Variants in SPAG16 observed in about 807,000 individuals in gnomAD.
The protein encoded by SPAG16 is sperm-associated antigen 16 protein.
In SPAG16, 86 loss-of-function variants were observed where a neutral mutation model predicts 80.4. The observed-to-expected ratio is 1.07, with a 90% CI of 0.90 to 1.28. The LOEUF is 1.28. SPAG16 is among the 50% of genes most tolerant of loss of function. SPAG16 has a pLI of 0.00. For missense variants in SPAG16, 870 were observed against 765.3 expected, an observed-to-expected ratio of 1.14 and a Z score of -1.61; for synonymous variants, 294 against 265.9, an observed-to-expected ratio of 1.11 and a Z score of -1.03.
In SPAG16 at chr2:214,014,224, C is replaced by T. The variant is rs906404336; in HGVS notation, c.1527+147C>T. 2.9e-5 allele frequency: 28 copies of T among 968,602 alleles called. No individual in the cohort carries two copies. In the East Asian group the frequency reaches 4.8e-4, roughly 17 times the overall value. 60.0% of individuals were successfully genotyped at this position (968,602 alleles called of 1,614,324 possible). A position where few individuals can be genotyped will look rare whatever the true frequency, so the allele number is the denominator to read the frequency against. ...GTAAAAAGTTCATAATTACAAGATC[C>T]TTTCTATGCACTTGTATCCATTCTG... is the stretch of plus-strand genomic sequence containing the variant. On this transcript the variant is annotated intron_variant, in intron 13 of 15. Transcript: ENST00000331683.
At chr2:214,004,708 G>A (rs2046950568) in intron 12 of SPAG16, among the ~76,000 whole-genome samples, 1 of 151,956 alleles carries the variant, frequency 6.6e-6, no homozygotes, top group South Asian at 2.1e-4. Context: ...CTTAAATGGG[G>A]CTGGGTCATC....
chr2:214,117,394 C>G lies in SPAG16; in HGVS notation c.1593+9133C>G, dbSNP rs529636600. Among the ~76,000 whole-genome samples the G allele has an allele frequency of 1.4e-4, 21 of 152,252 alleles. No individual in the cohort carries two copies. In the South Asian group the frequency reaches 4.3e-3, roughly 32 times the overall value. On this transcript the variant is annotated intron_variant, in intron 14 of 15. Coordinates refer to ENST00000331683, the MANE Select transcript of SPAG16 (RefSeq NM_024532.5). ...TGTCAAAGAAAAGCTCAGAAGTAGGCTTCACTGCTGAATTCTACCAAACAT... is the reference window on the plus strand; with the variant it reads ...TGTCAAAGAAAAGCTCAGAAGTAGGGTTCACTGCTGAATTCTACCAAACAT...
chr2:214,032,525 A>G (rs550039252), intron 13 of SPAG16, among the ~76,000 whole-genome samples: 135 of 152,336 alleles, frequency 8.9e-4, no homozygotes, highest in Admixed American at 1.5e-3. Context: ...TGAATAACAA[A>G]GGAGCAGGAA....
At chr2:213,830,259 G>A (rs1158862504) in intron 10 of SPAG16, among the ~76,000 whole-genome samples, 1 of 152,130 alleles carries the variant, frequency 6.6e-6, no homozygotes, top group Non-Finnish European at 1.5e-5. Flanking sequence ...AGTTCTTCCT[G>A]GTGTTGGCAG....
chr2:213,701,380 A>T (rs2065410279), intron 10 of SPAG16, among the ~76,000 whole-genome samples: 2 of 152,370 alleles, frequency 1.3e-5, no homozygotes, highest in South Asian at 4.1e-4. Flanking sequence ...AATAACAATG[A>T]TAACGAGAGG....
At chr2:213,702,422 C>G (rs1306958856) in intron 10 of SPAG16, among the ~76,000 whole-genome samples, 1 of 152,192 alleles carries the variant, frequency 6.6e-6, no homozygotes, top group Non-Finnish European at 1.5e-5. Context: ...GTAACACTCA[C>G]CGCGAAGGTC....
chr2:213,703,389 C>T (rs573988354), intron 10 of SPAG16, among the ~76,000 whole-genome samples: 4 of 152,286 alleles, frequency 2.6e-5, no homozygotes, highest in Non-Finnish European at 4.4e-5. Flanking sequence ...GATTCTCCAG[C>T]GCAGAGAGAG....
intron 9 of SPAG16, among the ~76,000 whole-genome samples, chr2:213,377,903 A>AT (rs200597218): frequency 0.016 from 339 of 20,726 alleles, 2 homozygotes; most frequent in African/African-American, 0.058. Flanking sequence ...ATATATATAT[A>AT]TTTTTTTTTT....
chr2:213,896,592 G>GCACACACACACACACA (rs372673398), intron 11 of SPAG16, among the ~76,000 whole-genome samples: 92 of 111,924 alleles, frequency 8.2e-4, no homozygotes, highest in Middle Eastern at 4.3e-3. Flanking sequence ...ACACACACAC[G>GCACACACACACACACA]CACACACACA....
In SPAG16 at chr2:213,913,589, ATATATGTATATG is replaced by A; in HGVS notation, c.1215-16368_1215-16357del. On this transcript the variant is annotated intron_variant, in intron 11 of 15. Transcript: ENST00000331683. ...TGTGTGTATATATATGTACATGTACATATATGTATATGTACATGTACATATATGTATATGTAC... is the reference window on the plus strand; with the variant it reads ...TGTGTGTATATATATGTACATGTACATACATGTACATATATGTATATGTAC... 5.3e-4 allele frequency among the ~76,000 whole-genome samples: 4 copies of A among 7,500 alleles called. No homozygotes were observed. In the East Asian group the frequency reaches 0.02, roughly 38 times the overall value. The allele number at this position is 7,500 out of a possible 152,430, so 4.9% of individuals were successfully genotyped here.
chr2:213,340,062 ATTATC>A (rs1346751243), intron 5 of SPAG16, 96 bp from the exon 6 acceptor site: 1 of 702,392 alleles, frequency 1.4e-6, no homozygotes, highest in African/African-American at 1.8e-5. Flanking sequence ...TTGTTTTCCT[ATTATC>A]TTTTGAATGG....
At chr2:213,753,370 A>C (rs2556304) in intron 10 of SPAG16, among the ~76,000 whole-genome samples, 141,719 of 152,246 alleles carry the variant, frequency 0.93, 66,861 homozygotes, top group East Asian at 1. Flanking sequence ...GTGCATAGGA[A>C]AATTTGACAC....
intron 10 of SPAG16, among the ~76,000 whole-genome samples, chr2:213,674,348 A>G (rs1475290998): frequency 1.3e-5 from 2 of 150,334 alleles, no homozygotes; most frequent in African/African-American, 4.9e-5. Context: ...AAAATTGTCC[A>G]GGTCTCACAA....
At chr2:214,298,092 A>ATG (rs1217183015) in intron 15 of SPAG16, among the ~76,000 whole-genome samples, 4 of 146,084 alleles carry the variant, frequency 2.7e-5, no homozygotes, top group African/African-American at 7.5e-5. Flanking sequence ...ATATATATAT[A>ATG]TGTATGCATA....
chr2:213,892,602 TAA>T (rs1559558275), intron 11 of SPAG16, among the ~76,000 whole-genome samples: 3 of 151,990 alleles, frequency 2.0e-5, no homozygotes, highest in African/African-American at 7.2e-5. Flanking sequence ...AAAAATTTAA[TAA>T]AGAGATTAAA....
At chr2:213,858,753 C>G (rs958785088) in intron 10 of SPAG16, among the ~76,000 whole-genome samples, 1 of 152,080 alleles carries the variant, frequency 6.6e-6, no homozygotes, top group Non-Finnish European at 1.5e-5. Context: ...AAGACTGATT[C>G]AGAGGTAAAC....
At chr2:213,291,356 C>T (rs959257420) in intron 1 of SPAG16, among the ~76,000 whole-genome samples, 2 of 152,184 alleles carry the variant, frequency 1.3e-5, no homozygotes, top group Non-Finnish European at 2.9e-5. Context: ...TGTCAAAGTA[C>T]ATTTATGTCT....
Position 213,906,357 on chromosome 2 carries a change from G to A in SPAG16, c.1215-23603G>A, listed in dbSNP as rs879097813. 2.0e-5 allele frequency among the ~76,000 whole-genome samples: 3 copies of A among 152,138 alleles called. No homozygotes were observed. The East Asian group carries it at 5.8e-4, about 29-fold the overall frequency. On this transcript the variant is annotated intron_variant, in intron 11 of 15. Transcript: ENST00000331683. ...TAGAAACCTCAAAACACTGATGAAA[G>A]AAATTGAACAGGACACAAAAAATGG...
At chr2:213,386,159 T>C (rs1215347459) in intron 9 of SPAG16, among the ~76,000 whole-genome samples, 1 of 152,312 alleles carries the variant, frequency 6.6e-6, no homozygotes, top group East Asian at 1.9e-4. Flanking sequence ...ATCGTATTCT[T>C]CCCAATGTCT....
Sources: gnomAD v4.1 joint callset for allele counts (sites outside exome capture counted in the v4.1 genomes callset) on GRCh38, gnomAD v4.1.1 for gene constraint, MANE v1.5 for transcripts, NCBI Gene and HGNC (gene_info 2026-07-23, HGNC 2026-07-21) for gene names.